CLN3: variants seen among roughly 807,000 people sequenced by gnomAD.
CLN3 encodes the protein battenin.
Under a neutral mutation model 60.7 loss-of-function variants are expected in CLN3, and 49 were observed. The observed-to-expected ratio is 0.81, with a 90% CI of 0.64 to 1.02. The LOEUF (loss-of-function observed/expected upper bound fraction) is 1.02, where lower values mean the gene tolerates loss of function less well. Ranked by LOEUF, CLN3 falls within the 50% of genes least tolerant of loss-of-function variation. The pLI is 0.00. For synonymous variants in CLN3, 256 were observed against 245.8 expected (o/e 1.04, Z -0.39); for missense variants, 516 against 557.4 (o/e 0.93, Z 0.75).
At chr16:28,479,730 C>T (rs1026832220) in intron 14 of CLN3, 30 of 202,418 alleles carry the variant, frequency 1.5e-4, no homozygotes, top group African/African-American at 7.1e-4. Flanking sequence ...GATTGCACCG[C>T]TACATTCCAG....
rs772463617 is a variant in CLN3, at chr16:28,477,770, G to T, written c.1164C>A (p.Ala388=). 1 of 1,614,160 alleles carries T rather than the reference G, an allele frequency of 6.2e-7. No individual in the cohort carries two copies. The highest frequency in any genetic ancestry group is 1.7e-5 in the Admixed American group (1 of 60,020). The change falls in exon 15 of 16, where the codon GCC becomes GCA. Residue 388 remains alanine (A), a synonymous_variant. Transcript: ENST00000636147. ...ILYEGLLGGA[A]YVNTFHNIAL... is the part of the protein sequence containing the mutation. ...CGATGTTGTGGAAGGTGTTCACGTA[G>T]GCTGCGCCTCCCAGGAGCCCCTCAT...
chr16:28,484,271 G>T (rs2046166084), intron 9 of CLN3, 153 bp from the exon 10 acceptor site: 1 of 677,668 alleles, frequency 1.5e-6, no homozygotes, highest in South Asian at 1.6e-5. Context: ...CGCTGTGCGG[G>T]AGAGCTCCAA....
At chr16:28,487,301 C>A in intron 7 of CLN3, 155 bp downstream of exon 7, 1 of 713,066 alleles carries the variant, frequency 1.4e-6, no homozygotes, top group South Asian at 1.5e-5. Context: ...TCCAAATTGT[C>A]CCAGTCTCCC....
At chr16:28,477,126 A>C (rs759414553), downstream of CLN3, 14 of 320,434 alleles carry the variant, frequency 4.4e-5, no homozygotes, top group Admixed American at 8.9e-5. Flanking sequence ...ACAGAGTGAG[A>C]CTCTGTCAAA....
At chr16:28,473,410 A>T (rs2045967945), downstream of CLN3, among the ~76,000 whole-genome samples, 2 of 151,786 alleles carry the variant, frequency 1.3e-5, no homozygotes, top group South Asian at 4.2e-4. Context: ...TTAATTTTTT[A>T]TAGAGATAGA....
chr16:28,473,569 A>T (rs1246057829), downstream of CLN3, among the ~76,000 whole-genome samples: 1 of 152,228 alleles, frequency 6.6e-6, no homozygotes, highest in Non-Finnish European at 1.5e-5. Context: ...CAACCAAACA[A>T]AAAATAGATA....
At chr16:28,473,233 T>C (rs1186297685), downstream of CLN3, among the ~76,000 whole-genome samples, 4 of 152,196 alleles carry the variant, frequency 2.6e-5, no homozygotes, top group African/African-American at 9.6e-5. Context: ...GCCTCCCAAG[T>C]AGCTGGGACT....
At chr16:28,470,752 G>A (rs1353524546), downstream of CLN3, among the ~76,000 whole-genome samples, 1 of 150,764 alleles carries the variant, frequency 6.6e-6, no homozygotes, top group Non-Finnish European at 1.5e-5. Context: ...AAAGGATCCG[G>A]TTCAAATTAA....
chr16:28,478,524 G>A (rs557125646), intron 14 of CLN3, among the ~76,000 whole-genome samples: 1 of 150,048 alleles, frequency 6.7e-6, no homozygotes, highest in East Asian at 2.0e-4. Flanking sequence ...TCTGAGACAG[G>A]AGGATTGCTT....
At chr16:28,486,167 G>A (rs1334829177) in intron 9 of CLN3, among the ~76,000 whole-genome samples, 180 bp downstream of exon 9, 2 of 151,792 alleles carry the variant, frequency 1.3e-5, no homozygotes, top group African/African-American at 2.4e-5. Flanking sequence ...CTGGCTAATT[G>A]TTGTATTTTT....
At position 28,491,439 on chromosome 16, in the gene CLN3, C is replaced by G. The variant is rs781712406; in HGVS notation, c.125+43G>C. ...CCCCCTTTCCTCCGGTCACTTCCCTCTTCTCATGCCATTGTCACTCGCTGA... is the reference window on the plus strand; with the variant it reads ...CCCCCTTTCCTCCGGTCACTTCCCTGTTCTCATGCCATTGTCACTCGCTGA... On this transcript the variant is annotated intron_variant, in intron 3 of 15. Transcript: ENST00000636147. The G allele has an allele frequency of 1.2e-5, 20 of 1,608,238 alleles. No individual in the cohort carries two copies. In the South Asian group the frequency reaches 2.2e-4, roughly 18 times the overall value.
At chr16:28,485,318 G>C (rs2046188963) in intron 9 of CLN3, among the ~76,000 whole-genome samples, 1 of 146,208 alleles carries the variant, frequency 6.8e-6, no homozygotes, top group Admixed American at 7.1e-5. Context: ...TGTATTCCTA[G>C]CATTATGGGA....
intron 9 of CLN3, among the ~76,000 whole-genome samples, chr16:28,485,393 C>A (rs1263566426): frequency 2.7e-5 from 4 of 149,640 alleles, no homozygotes; most frequent in Non-Finnish European, 5.9e-5. Flanking sequence ...ACAGTGAAAC[C>A]CCGTCTCTAC....
chr16:28,471,953 C>T (rs546460971), downstream of CLN3, among the ~76,000 whole-genome samples: 2 of 152,156 alleles, frequency 1.3e-5, no homozygotes, highest in East Asian at 3.8e-4. Context: ...TCACTTGAAC[C>T]TGGAAGATGG....
chr16:28,490,780 AG>A (rs943872401), intron 3 of CLN3, among the ~76,000 whole-genome samples: 5 of 150,046 alleles, frequency 3.3e-5, no homozygotes, highest in African/African-American at 9.8e-5. Flanking sequence ...AAAAAAAAAA[AG>A]GTTCAGGCCC....
At chr16:28,481,684 A>G (rs1314335622) in intron 14 of CLN3, among the ~76,000 whole-genome samples, 1 of 151,840 alleles carries the variant, frequency 6.6e-6, no homozygotes, top group Non-Finnish European at 1.5e-5. Flanking sequence ...GCTCTGCTGG[A>G]CTTTGGTTCC....
intron 14 of CLN3, chr16:28,479,416 T>C (rs2046050113): frequency 1.3e-5 from 2 of 151,858 alleles, no homozygotes; most frequent in South Asian, 2.1e-4. Flanking sequence ...CGAAACCCCA[T>C]CTCTACTAAA....
chr16:28,490,759 CAAA>C (rs772260404), intron 3 of CLN3, among the ~76,000 whole-genome samples: 1 of 55,090 alleles, frequency 1.8e-5, no homozygotes, highest in Non-Finnish European at 3.6e-5. Context: ...GACTCCGTCT[CAAA>C]AAAAAAAAAA....
intron 3 of CLN3, chr16:28,491,193 A>G: frequency 2.1e-6 from 1 of 468,572 alleles, no homozygotes; most frequent in South Asian, 3.5e-5. Flanking sequence ...CGTGATTTAA[A>G]GTTTTCTTTT....
Sources: allele counts gnomAD v4.1 joint callset (sites outside exome capture counted in the v4.1 genomes callset), GRCh38; gene constraint gnomAD v4.1.1; transcripts MANE v1.5; gene names NCBI Gene and HGNC (gene_info 2026-07-23, HGNC 2026-07-21).